The following RIT2 variants were observed in gnomAD, a reference collection of about 807,000 sequenced individuals.
The protein encoded by RIT2 is Ras like without CAAX 2.
A neutral mutation model predicts 23.7 loss-of-function variants in RIT2; 24 were observed. The ratio of observed to expected loss-of-function variants is 1.01; its 90% confidence interval spans 0.73 to 1.43. The LOEUF (loss-of-function observed/expected upper bound fraction) is 1.43, where lower values mean the gene tolerates loss of function less well. Among genes scored for constraint, RIT2 ranks in the 40% most tolerant of loss-of-function variants. The probability of loss-of-function intolerance (pLI) is 0.00; values close to 1 mark genes in which losing one functional copy is unlikely to be tolerated. For missense variants in RIT2, 236 were observed against 266.9 expected (o/e 0.88, Z 0.81); for synonymous variants, 107 against 91.1 (o/e 1.17, Z -0.99).
At chr18:43,087,343 G>A (rs1015522609) in intron 1 of RIT2, among the ~76,000 whole-genome samples, 1 of 152,082 alleles carries the variant, frequency 6.6e-6, no homozygotes, top group Non-Finnish European at 1.5e-5. Flanking sequence ...ATAATAACAC[G>A]TGGATGTGTT....
At chr18:43,009,356 A>T (rs1269296480) in intron 2 of RIT2, among the ~76,000 whole-genome samples, 1 of 151,778 alleles carries the variant, frequency 6.6e-6, no homozygotes, top group Admixed American at 6.6e-5. Flanking sequence ...CATTTAAAAT[A>T]AAATGACCTG....
chr18:42,851,383 A>G (rs488727), intron 4 of RIT2, among the ~76,000 whole-genome samples: 3,120 of 152,224 alleles, frequency 0.02, 129 homozygotes, highest in African/African-American at 0.071. Context: ...ATCTAGAGAT[A>G]TGTGTTTGGG....
At chr18:42,744,049 A>C (rs1052104655) in intron 4 of RIT2, among the ~76,000 whole-genome samples, 4 of 152,156 alleles carry the variant, frequency 2.6e-5, no homozygotes, top group African/African-American at 7.2e-5. Context: ...CTGTGAAAGT[A>C]CTTTTCCTGG....
intron 4 of RIT2, among the ~76,000 whole-genome samples, chr18:42,817,607 G>C (rs1906033893): frequency 6.6e-6 from 1 of 152,162 alleles, no homozygotes; most frequent in South Asian, 2.1e-4. Context: ...TTGAATTTTT[G>C]ATGAGTGTCG....
chr18:42,795,562 C>G (rs1905320317), intron 4 of RIT2, among the ~76,000 whole-genome samples: 1 of 152,216 alleles, frequency 6.6e-6, no homozygotes, highest in Non-Finnish European at 1.5e-5. Context: ...ATGAGCGCAG[C>G]CCCCTGCTCC....
intron 4 of RIT2, among the ~76,000 whole-genome samples, chr18:42,845,404 T>C (rs1341515957): frequency 6.6e-6 from 1 of 150,752 alleles, no homozygotes; most frequent in Admixed American, 6.6e-5. Flanking sequence ...TATATATGTA[T>C]AAATTTTCTA....
chr18:43,078,868 C>T (rs1913087809), intron 1 of RIT2, among the ~76,000 whole-genome samples: 1 of 152,090 alleles, frequency 6.6e-6, no homozygotes, highest in Non-Finnish European at 1.5e-5. Context: ...TCTACAGAGT[C>T]CAGAGGGCTA....
intron 4 of RIT2, among the ~76,000 whole-genome samples, chr18:42,792,347 C>T (rs972966551): frequency 1.3e-5 from 2 of 151,956 alleles, no homozygotes; most frequent in Admixed American, 6.6e-5. Context: ...GCTTAGTACA[C>T]GGGGGAAATA....
At chr18:42,892,696 TAGA>T (rs1209289000) in intron 4 of RIT2, among the ~76,000 whole-genome samples, 6 of 152,202 alleles carry the variant, frequency 3.9e-5, no homozygotes, top group Non-Finnish European at 7.3e-5. Context: ...ACAAAATACC[TAGA>T]AGAAAACTAA....
At chr18:42,936,872 C>G (rs899958518) in intron 3 of RIT2, among the ~76,000 whole-genome samples, 5 of 151,972 alleles carry the variant, frequency 3.3e-5, no homozygotes, top group African/African-American at 1.2e-4. Context: ...AGTAGCCGGG[C>G]TTTGTGGTGC....
At chr18:42,965,590 A>G (rs1910197791) in intron 3 of RIT2, among the ~76,000 whole-genome samples, 1 of 152,104 alleles carries the variant, frequency 6.6e-6, no homozygotes, top group Admixed American at 6.6e-5. Flanking sequence ...AAAGCTGAAA[A>G]TAAATACTCC....
intron 4 of RIT2, among the ~76,000 whole-genome samples, chr18:42,844,959 A>ATT (rs1348508193): frequency 6.6e-5 from 10 of 152,294 alleles, no homozygotes; most frequent in African/African-American, 2.2e-4. Context: ...AATCAAGGGT[A>ATT]ATATTTAAGT....
chr18:42,902,014 T>C (rs918790980), intron 4 of RIT2, among the ~76,000 whole-genome samples: 2 of 151,844 alleles, frequency 1.3e-5, no homozygotes, highest in African/African-American at 4.8e-5. Flanking sequence ...TTAAGGAGAT[T>C]TGCAAAAATT....
chr18:42,888,241 C>A (rs931441121), intron 4 of RIT2, among the ~76,000 whole-genome samples: 21 of 151,738 alleles, frequency 1.4e-4, no homozygotes, highest in Non-Finnish European at 2.5e-4. Context: ...TGGGGGAAGG[C>A]AGAAAGTATA....
chr18:42,769,273 T>C (rs1407710689), intron 4 of RIT2, among the ~76,000 whole-genome samples: 1 of 152,204 alleles, frequency 6.6e-6, no homozygotes, highest in Non-Finnish European at 1.5e-5. Context: ...CATTCATTTC[T>C]GTGACTTTAT....
At chr18:43,057,391 T>C (rs1912528546) in intron 1 of RIT2, among the ~76,000 whole-genome samples, 2 of 152,152 alleles carry the variant, frequency 1.3e-5, no homozygotes, top group South Asian at 4.1e-4. Context: ...GCCATAAACC[T>C]GTCAACCTCA....
intron 2 of RIT2, among the ~76,000 whole-genome samples, chr18:42,988,849 A>G (rs1910774252): frequency 6.6e-6 from 1 of 152,200 alleles, no homozygotes; most frequent in African/African-American, 2.4e-5. Flanking sequence ...TGAACAGCAG[A>G]GCTGCAAGAG....
chr18:42,766,956 G>T (rs1460584322), intron 4 of RIT2, among the ~76,000 whole-genome samples: 1 of 152,224 alleles, frequency 6.6e-6, no homozygotes, highest in African/African-American at 2.4e-5. Flanking sequence ...ATTTAGGTTT[G>T]GGAGCCTCCG....
intron 1 of RIT2, among the ~76,000 whole-genome samples, chr18:43,070,680 A>G (rs948482584): frequency 1.3e-5 from 2 of 152,238 alleles, no homozygotes; most frequent in African/African-American, 4.8e-5. Context: ...CACAGTGTTC[A>G]TTAAGTGCAT....
Sources: gnomAD v4.1 joint callset for allele counts (sites outside exome capture counted in the v4.1 genomes callset) on GRCh38, gnomAD v4.1.1 for gene constraint, MANE v1.5 for transcripts, NCBI Gene and HGNC (gene_info 2026-07-23, HGNC 2026-07-21) for gene names.